The following MARCHF1 variants were observed in gnomAD, a reference collection of about 807,000 sequenced individuals.
The protein encoded by MARCHF1 is E3 ubiquitin-protein ligase MARCHF1.
In MARCHF1, 40 loss-of-function variants were observed where a neutral mutation model predicts 54.2. The ratio of observed to expected loss-of-function variants is 0.74; its 90% CI spans 0.57 to 0.96. The LOEUF (loss-of-function observed/expected upper bound fraction) is 0.96, where lower values mean the gene tolerates loss of function less well. Ranked by LOEUF, MARCHF1 falls within the 40% of genes least tolerant of loss-of-function variation. The pLI, the probability that MARCHF1 is intolerant of heterozygous loss-of-function variation, is 0.00. For missense variants in MARCHF1, 586 were observed against 656.5 expected, an observed-to-expected ratio of 0.89 and a Z score of 1.17; for synonymous variants, 236 against 236.3, an observed-to-expected ratio of 1.00 and a Z score of 0.01.
At chr4:163,840,248 T>C (rs1749300233) in intron 4 of MARCHF1, among the ~76,000 whole-genome samples, 1 of 152,164 alleles carries the variant, frequency 6.6e-6, no homozygotes, top group Non-Finnish European at 1.5e-5. Flanking sequence ...TGTATTTTTA[T>C]ACAATCCTTT....
chr4:163,921,949 G>A (rs1751439810), intron 3 of MARCHF1, among the ~76,000 whole-genome samples: 1 of 152,032 alleles, frequency 6.6e-6, no homozygotes, highest in Non-Finnish European at 1.5e-5. Context: ...ATTCACAATA[G>A]CAAAAACTTG....
At chr4:164,256,432 T>TAAAAAAAAAAAAAAAAAAAGAAAAA (rs11345775) in intron 1 of MARCHF1, among the ~76,000 whole-genome samples, 1 of 121,860 alleles carries the variant, frequency 8.2e-6, no homozygotes, top group Non-Finnish European at 1.7e-5. Flanking sequence ...ACAAGAAGCT[T>TAAAAAAAAAAAAAAAAAAAGAAAAA]AAAAAAAAAA....
intron 4 of MARCHF1, among the ~76,000 whole-genome samples, chr4:163,803,024 C>T (rs1020858067): frequency 5.3e-5 from 8 of 152,096 alleles, no homozygotes; most frequent in African/African-American, 1.9e-4. Flanking sequence ...TCCTCTGACT[C>T]CCTATATATT....
intron 2 of MARCHF1, among the ~76,000 whole-genome samples, chr4:164,035,629 AAT>A (rs1157689409): frequency 8.7e-4 from 28 of 32,184 alleles, no homozygotes; most frequent in African/African-American, 2.8e-3. Context: ...AGAGATAAAG[AAT>A]ACAAAAAAAA....
intron 4 of MARCHF1, among the ~76,000 whole-genome samples, chr4:163,850,319 G>A (rs772310847): frequency 6.6e-6 from 1 of 152,290 alleles, no homozygotes; most frequent in African/African-American, 2.4e-5. Flanking sequence ...TCAGAGGCCC[G>A]AGGCACAGTT....
chr4:163,676,738 G>A (rs1743932867), intron 5 of MARCHF1, among the ~76,000 whole-genome samples: 1 of 152,070 alleles, frequency 6.6e-6, no homozygotes, highest in Non-Finnish European at 1.5e-5. Flanking sequence ...AGGTGACAAG[G>A]TGAGACCCTG....
intron 3 of MARCHF1, among the ~76,000 whole-genome samples, chr4:163,915,810 T>A (rs1409040421): frequency 6.6e-6 from 1 of 152,188 alleles, no homozygotes; most frequent in Non-Finnish European, 1.5e-5. Context: ...TTGGGACCCT[T>A]AAATAGTCAG....
chr4:163,569,178 A>C (rs1342127893), intron 8 of MARCHF1, among the ~76,000 whole-genome samples: 1 of 152,078 alleles, frequency 6.6e-6, no homozygotes, highest in East Asian at 1.9e-4. Context: ...TCAACACTCT[A>C]AGCTGTTCCA....
chr4:164,220,677 A>G (rs1732082108), intron 1 of MARCHF1, among the ~76,000 whole-genome samples: 1 of 146,204 alleles, frequency 6.8e-6, no homozygotes, highest in East Asian at 2.0e-4. Context: ...CTATATGTAT[A>G]TATGTAATAT....
intron 1 of MARCHF1, among the ~76,000 whole-genome samples, chr4:164,298,872 AT>A (rs1428334057): frequency 6.6e-6 from 1 of 152,160 alleles, no homozygotes; most frequent in East Asian, 1.9e-4. Flanking sequence ...GAATCAAGGG[AT>A]AAATAGAAGA....
intron 3 of MARCHF1, among the ~76,000 whole-genome samples, chr4:163,971,841 A>T (rs1436733632): frequency 6.6e-6 from 1 of 152,226 alleles, no homozygotes; most frequent in African/African-American, 2.4e-5. Flanking sequence ...ATCCAAAATT[A>T]TTAAGCCTTC....
intron 7 of MARCHF1, among the ~76,000 whole-genome samples, chr4:163,598,818 T>C (rs1347876347): frequency 3.3e-5 from 5 of 152,200 alleles, no homozygotes; most frequent in Admixed American, 3.3e-4. Context: ...TAAAAAATAT[T>C]TTTCTTCTTT....
chr4:163,879,132 T>C (rs1412918348), intron 3 of MARCHF1, among the ~76,000 whole-genome samples: 1 of 152,202 alleles, frequency 6.6e-6, no homozygotes, highest in Non-Finnish European at 1.5e-5. Context: ...AAAGAGACAC[T>C]ATGAAGACAA....
Position 164,008,039 on chromosome 4 carries a change from C to T in MARCHF1, c.-247-19330G>A, listed in dbSNP as rs140577220. Reference sequence around the variant, plus strand: ...TCTCCAATTAAAAGGCATATAGTGGCTGAACGAATTTAAAAAACCAGGACC... The same window carrying T: ...TCTCCAATTAAAAGGCATATAGTGGTTGAACGAATTTAAAAAACCAGGACC... On this transcript the variant is annotated intron_variant, in intron 2 of 9. Transcript: ENST00000514618. Among the ~76,000 whole-genome samples, 685 of 152,090 alleles carry T rather than the reference C, an allele frequency of 4.5e-3. 5 individuals are homozygous for T. Among genetic ancestry groups the T allele is most frequent in the African/African-American group, 0.016 (653 of 41,492 alleles).
chr4:163,664,977 A>G (rs1229607458), intron 5 of MARCHF1, among the ~76,000 whole-genome samples: 1 of 152,120 alleles, frequency 6.6e-6, no homozygotes, highest in African/African-American at 2.4e-5. Flanking sequence ...ATATTTAGCT[A>G]TATGCTAAAA....
chr4:164,310,439 A>T (rs116505824), intron 1 of MARCHF1, among the ~76,000 whole-genome samples: 186 of 152,216 alleles, frequency 1.2e-3, no homozygotes, highest in African/African-American at 4.4e-3. Context: ...AAAGAAACAA[A>T]CACATAAAAT....
chr4:163,725,034 A>T (rs187266845), intron 4 of MARCHF1, among the ~76,000 whole-genome samples: 68 of 152,004 alleles, frequency 4.5e-4, no homozygotes, highest in African/African-American at 1.6e-3. Context: ...CTGTCCAACG[A>T]TCCCCAGTGA....
chr4:163,905,562 C>G (rs549942071), intron 3 of MARCHF1, among the ~76,000 whole-genome samples: 79 of 152,044 alleles, frequency 5.2e-4, no homozygotes, highest in Non-Finnish European at 9.1e-4. Flanking sequence ...AGAATTTCTG[C>G]TGAGAGCAGG....
chr4:164,350,363 G>A (rs1035289395), intron 1 of MARCHF1, among the ~76,000 whole-genome samples: 1 of 152,124 alleles, frequency 6.6e-6, no homozygotes, highest in Admixed American at 6.5e-5. Context: ...TTGGGGGGAA[G>A]GGAGGATAGG....
Sources: allele counts gnomAD v4.1 joint callset (sites outside exome capture counted in the v4.1 genomes callset), GRCh38; gene constraint gnomAD v4.1.1; transcripts MANE v1.5; gene names NCBI Gene and HGNC (gene_info 2026-07-23, HGNC 2026-07-21).